Variants in WDR70 observed in about 807,000 individuals in gnomAD.
WDR70 encodes the protein WD repeat-containing protein 70.
In WDR70, 53 loss-of-function variants were observed where a neutral mutation model predicts 88.6. That is an observed-to-expected ratio of 0.60 (90% CI 0.48 to 0.75). The LOEUF is 0.75. Among genes scored for constraint, WDR70 ranks in the 30% least tolerant of loss-of-function variants. WDR70 has a pLI of 0.00. For missense variants in WDR70, 610 were observed against 823.2 expected (o/e 0.74, Z 3.17); for synonymous variants, 280 against 270.0 (o/e 1.04, Z -0.36).
chr5:37,415,300 A>G (rs1749669154), intron 5 of WDR70, among the ~76,000 whole-genome samples: 2 of 150,960 alleles, frequency 1.3e-5, no homozygotes, highest in African/African-American at 2.4e-5. Context: ...TGTTGGGTAC[A>G]CCTCCCAGAC....
intron 14 of WDR70, chr5:37,722,602 T>G: frequency 2.1e-6 from 1 of 470,024 alleles, no homozygotes; most frequent in Admixed American, 3.4e-5. Context: ...TTTTGTAAAC[T>G]TGTGTCCTGT....
chr5:37,638,382 C>T (rs1301520975), intron 10 of WDR70, among the ~76,000 whole-genome samples: 3 of 152,152 alleles, frequency 2.0e-5, no homozygotes, highest in Admixed American at 2.0e-4. Context: ...TCAGGCTCTG[C>T]TGCTTATTAG....
intron 7 of WDR70, among the ~76,000 whole-genome samples, chr5:37,447,553 A>G (rs1738537234): frequency 6.6e-6 from 1 of 152,230 alleles, no homozygotes; most frequent in Admixed American, 6.5e-5. Flanking sequence ...TCCATCAATG[A>G]TAGACTGGAT....
At chr5:37,402,510 T>C (rs1333598028) in intron 5 of WDR70, among the ~76,000 whole-genome samples, 1 of 152,114 alleles carries the variant, frequency 6.6e-6, no homozygotes, top group Non-Finnish European at 1.5e-5. Context: ...TTCTAAAAAA[T>C]TGATAAATAA....
At chr5:37,655,904 G>C (rs1470510168) in intron 10 of WDR70, among the ~76,000 whole-genome samples, 1 of 151,958 alleles carries the variant, frequency 6.6e-6, no homozygotes, top group Non-Finnish European at 1.5e-5. Flanking sequence ...GCTCAGAGGA[G>C]TTCATTACTA....
At chr5:37,738,963 C>G (rs1041693806) in intron 17 of WDR70, among the ~76,000 whole-genome samples, 1 of 152,120 alleles carries the variant, frequency 6.6e-6, no homozygotes, top group Non-Finnish European at 1.5e-5. Context: ...TTTAGCCTTC[C>G]CTTGTTTGCT....
At chr5:37,428,469 T>C (rs572806866) in intron 5 of WDR70, among the ~76,000 whole-genome samples, 1 of 152,328 alleles carries the variant, frequency 6.6e-6, no homozygotes, top group East Asian at 1.9e-4. Flanking sequence ...ATCTGTTTTA[T>C]GTCACTATAG....
chr5:37,547,867 G>A (rs1344796243), intron 9 of WDR70, among the ~76,000 whole-genome samples: 1 of 151,726 alleles, frequency 6.6e-6, no homozygotes, highest in East Asian at 1.9e-4. Flanking sequence ...TTTGATTTTT[G>A]GATCTCACAA....
chr5:37,627,092 A>AT (rs1339173288), intron 10 of WDR70, among the ~76,000 whole-genome samples: 2 of 150,512 alleles, frequency 1.3e-5, no homozygotes, highest in Non-Finnish European at 1.5e-5. Flanking sequence ...TCTTTTGTGT[A>AT]TTTTTTAGTC....
chr5:37,551,484 C>T (rs895592523), intron 9 of WDR70, among the ~76,000 whole-genome samples: 2 of 151,498 alleles, frequency 1.3e-5, no homozygotes, highest in Non-Finnish European at 2.9e-5. Context: ...AATCCTGGCA[C>T]TTTGGGAGGC....
chr5:37,388,293 T>C (rs2111869755), intron 3 of WDR70, among the ~76,000 whole-genome samples: 1 of 151,946 alleles, frequency 6.6e-6, no homozygotes, highest in African/African-American at 2.4e-5. Flanking sequence ...ATTTTTTGTA[T>C]TTTTAGTAGA....
intron 10 of WDR70, among the ~76,000 whole-genome samples, chr5:37,662,943 A>G (rs1745740292): frequency 6.6e-6 from 1 of 152,222 alleles, no homozygotes; most frequent in Non-Finnish European, 1.5e-5. Flanking sequence ...ACTATGAATT[A>G]CAGTGTAATC....
At chr5:37,556,848 G>A (rs1005514855) in intron 9 of WDR70, among the ~76,000 whole-genome samples, 5 of 152,132 alleles carry the variant, frequency 3.3e-5, no homozygotes, top group African/African-American at 4.8e-5. Flanking sequence ...ATATTCAGTT[G>A]TGTAAAATAT....
chr5:37,631,148 C>G (rs1744805721), intron 10 of WDR70, among the ~76,000 whole-genome samples: 1 of 152,152 alleles, frequency 6.6e-6, no homozygotes, highest in Admixed American at 6.5e-5. Flanking sequence ...TCTTCACTCC[C>G]TTGCCACACT....
rs570219457 is a variant in WDR70, at chr5:37,400,100, T to C, written c.492+3530T>C. On this transcript the variant is annotated intron_variant, in intron 5 of 17. Transcript: ENST00000265107. ...GGCATCTGCCACCACGCCTGGCTAA[T>C]TTTTTGTATTTTTAGTAGTGATGGG... is the stretch of plus-strand genomic sequence containing the variant. Among the ~76,000 whole-genome samples, 10 of 152,062 alleles carry C rather than the reference T, an allele frequency of 6.6e-5. 1 individual carries two copies. In the South Asian group the frequency reaches 1.7e-3, roughly 25 times the overall value.
intron 9 of WDR70, among the ~76,000 whole-genome samples, chr5:37,528,100 AG>A (rs1209837411): frequency 6.6e-6 from 1 of 152,246 alleles, no homozygotes; most frequent in Non-Finnish European, 1.5e-5. Context: ...AACTAGAAAC[AG>A]CATTTGACCC....
chr5:37,416,062 G>A (rs1296116031), intron 5 of WDR70, among the ~76,000 whole-genome samples: 2 of 150,020 alleles, frequency 1.3e-5, no homozygotes, highest in African/African-American at 4.9e-5. Flanking sequence ...TCACATCCCA[G>A]ACGATGGGCG....
rs1747214002 is a variant in WDR70, at chr5:37,703,090, A to G, written c.1416+3A>G. On this transcript the variant is annotated splice_donor_region_variant and intron_variant, in intron 13 of 17. Coordinates refer to ENST00000265107, the MANE Select transcript of WDR70 (RefSeq NM_018034.4). ...ATGAAATAGACATCACAGATGCGGT[A>G]CGTATATTCTTTTCTCCTCAGCCTT... 1 of 1,601,532 alleles carries G rather than the reference A, an allele frequency of 6.2e-7. No individual in the cohort carries two copies. The highest frequency in any genetic ancestry group is 8.6e-7 in the Non-Finnish European group (1 of 1,169,546).
chr5:37,535,516 T>C (rs1395018716), intron 9 of WDR70, among the ~76,000 whole-genome samples: 2 of 152,204 alleles, frequency 1.3e-5, no homozygotes, highest in Non-Finnish European at 2.9e-5. Context: ...TGAAGAGTAC[T>C]AAATCTGTAC....
Sources: gnomAD v4.1 joint callset for allele counts (sites outside exome capture counted in the v4.1 genomes callset) on GRCh38, gnomAD v4.1.1 for gene constraint, MANE v1.5 for transcripts, NCBI Gene and HGNC (gene_info 2026-07-23, HGNC 2026-07-21) for gene names.